The following ADGRL3 variants were observed in gnomAD, a reference collection of about 807,000 sequenced individuals.
The protein encoded by ADGRL3 is adhesion G protein-coupled receptor L3.
Under a neutral mutation model 153.5 loss-of-function variants are expected in ADGRL3, and 62 were observed. That is an observed-to-expected ratio of 0.40 (90% CI 0.33 to 0.50). The LOEUF is 0.50. ADGRL3 is among the 20% of genes least tolerant of loss of function. ADGRL3 has a pLI of 0.47. For missense variants in ADGRL3, 1,641 were observed against 1,859.4 expected (o/e 0.88, Z 2.16); for synonymous variants, 710 against 672.5 (o/e 1.06, Z -0.86).
intron 1 of ADGRL3, among the ~76,000 whole-genome samples, chr4:61,326,631 G>A (rs1484188585): frequency 6.7e-6 from 1 of 150,294 alleles, no homozygotes; most frequent in Non-Finnish European, 1.5e-5. Flanking sequence ...GTGTGTGTGT[G>A]TGTAATTAGA....
chr4:61,774,849 C>A, intron 8 of ADGRL3, among the ~76,000 whole-genome samples: 1 of 152,216 alleles, frequency 6.6e-6, no homozygotes, highest in East Asian at 1.9e-4. Flanking sequence ...TTGCTGCTAT[C>A]GGTTGTTTCA....
chr4:61,237,734 A>G (rs1753375217), intron 1 of ADGRL3, among the ~76,000 whole-genome samples: 1 of 152,170 alleles, frequency 6.6e-6, no homozygotes, highest in Non-Finnish European at 1.5e-5. Context: ...CTTTTTGAAA[A>G]CTGCAACATT....
At chr4:61,237,585 A>G (rs2149276500) in intron 1 of ADGRL3, among the ~76,000 whole-genome samples, 1 of 152,306 alleles carries the variant, frequency 6.6e-6, no homozygotes, top group South Asian at 2.1e-4. Context: ...GGTGTTCTGA[A>G]TACTGATAAG....
At chr4:61,991,015 T>C (rs189830532) in intron 19 of ADGRL3, among the ~76,000 whole-genome samples, 3 of 151,618 alleles carry the variant, frequency 2.0e-5, no homozygotes, top group South Asian at 2.1e-4. Flanking sequence ...TCAGTGTATA[T>C]ATGTATACAA....
chr4:61,577,790 G>A (rs1236808429), intron 4 of ADGRL3, among the ~76,000 whole-genome samples: 1 of 150,248 alleles, frequency 6.7e-6, no homozygotes, highest in Non-Finnish European at 1.5e-5. Flanking sequence ...TTCAGCCTAG[G>A]TGACAGAGTG....
chr4:62,044,427 T>C (rs1402182203), intron 24 of ADGRL3, 26 bp from the exon 25 acceptor site: 20 of 1,499,742 alleles, frequency 1.3e-5, no homozygotes, highest in Non-Finnish European at 1.8e-5. Flanking sequence ...TGAGTTCATT[T>C]TCTTTCTGCC....
At chr4:61,445,397 A>C (rs1182516265) in intron 2 of ADGRL3, among the ~76,000 whole-genome samples, 1 of 152,216 alleles carries the variant, frequency 6.6e-6, no homozygotes, top group Non-Finnish European at 1.5e-5. Flanking sequence ...ATTTCATGGA[A>C]TTAGACAAAA....
chr4:61,826,287 G>A (rs1005393400), intron 9 of ADGRL3, among the ~76,000 whole-genome samples: 2 of 152,130 alleles, frequency 1.3e-5, no homozygotes, highest in African/African-American at 4.8e-5. Context: ...GTTGAATAGT[G>A]TGTTCAAAGG....
chr4:61,428,639 A>C (rs759672886), intron 2 of ADGRL3, among the ~76,000 whole-genome samples: 1 of 152,194 alleles, frequency 6.6e-6, no homozygotes, highest in Non-Finnish European at 1.5e-5. Flanking sequence ...TTTGGTAGTT[A>C]TGTCATGCCT....
intron 8 of ADGRL3, among the ~76,000 whole-genome samples, chr4:61,759,044 G>T (rs2152142380): frequency 6.6e-6 from 1 of 152,306 alleles, no homozygotes; most frequent in South Asian, 2.1e-4. Context: ...TCTGCCGAGA[G>T]ATCAGCTGTT....
chr4:61,480,648 T>C (rs2098122219), intron 2 of ADGRL3, among the ~76,000 whole-genome samples: 1 of 151,550 alleles, frequency 6.6e-6, no homozygotes, highest in South Asian at 2.1e-4. Flanking sequence ...CTGGGCGGGG[T>C]TTCGGGTGCC....
chr4:61,511,642 A>C (rs547401803), intron 3 of ADGRL3, among the ~76,000 whole-genome samples: 1 of 151,916 alleles, frequency 6.6e-6, no homozygotes, highest in African/African-American at 2.4e-5. Context: ...TCTTGCCCAC[A>C]TCAGGCATAC....
chr4:61,517,487 A>G lies in ADGRL3; in HGVS notation c.228A>G (p.Pro76=), dbSNP rs1301399037. The change falls in exon 4 of 27, where the codon CCA becomes CCG. Residue 76 remains proline, a synonymous_variant. Transcript: ENST00000683033. ...GAGCTACCAGAGGAGTTCGCGGTCC[A>G]GGTGCCCAAGGAGCACAGATTGCAG... ...PRGATRGVRG[P]GAQGAQIAAQ... is the part of the protein sequence containing the mutation. 3 of 721,592 alleles carry G rather than the reference A, an allele frequency of 4.2e-6. No individual in the cohort carries two copies. The highest frequency in any genetic ancestry group is 4.0e-5 in the Admixed American group (2 of 50,042). The allele number at this position is 721,592 out of a possible 1,614,324, so 44.7% of individuals were successfully genotyped here. A position where few individuals can be genotyped will look rare whatever the true frequency, so the allele number is the denominator to read the frequency against.
chr4:61,804,419 C>T (rs1198630104), intron 8 of ADGRL3, among the ~76,000 whole-genome samples: 1 of 152,038 alleles, frequency 6.6e-6, no homozygotes, highest in African/African-American at 2.4e-5. Flanking sequence ...ATAAGAGTCC[C>T]CTTGTCTCTT....
At chr4:61,255,406 T>A (rs1253884585) in intron 1 of ADGRL3, among the ~76,000 whole-genome samples, 1 of 152,186 alleles carries the variant, frequency 6.6e-6, no homozygotes. Context: ...CTCCGCTGTA[T>A]GGAGAAGACT....
At chr4:61,974,232 G>A (rs981773515) in intron 17 of ADGRL3, among the ~76,000 whole-genome samples, 4 of 152,136 alleles carry the variant, frequency 2.6e-5, no homozygotes, top group Non-Finnish European at 5.9e-5. Flanking sequence ...GCCTCCCAAA[G>A]CGCTGGGATT....
At chr4:61,230,460 G>C (rs1203942686) in intron 1 of ADGRL3, among the ~76,000 whole-genome samples, 4 of 152,202 alleles carry the variant, frequency 2.6e-5, no homozygotes, top group East Asian at 1.9e-4. Context: ...ATTGTAAGGA[G>C]AGAAGGATTC....
chr4:61,246,654 A>T (rs1278709896), intron 1 of ADGRL3, among the ~76,000 whole-genome samples: 2 of 151,798 alleles, frequency 1.3e-5, no homozygotes, highest in Non-Finnish European at 2.9e-5. Context: ...GTTTTCCAGC[A>T]AAAATGAAGT....
chr4:62,013,428 G>A (rs1581885016), intron 21 of ADGRL3, among the ~76,000 whole-genome samples: 2 of 151,822 alleles, frequency 1.3e-5, no homozygotes. Flanking sequence ...TGTAATCCCC[G>A]CTACTCAGGA....
Sources: allele counts gnomAD v4.1 joint callset (sites outside exome capture counted in the v4.1 genomes callset), GRCh38; gene constraint gnomAD v4.1.1; transcripts MANE v1.5; gene names NCBI Gene and HGNC (gene_info 2026-07-23, HGNC 2026-07-21).